Variants in TMEM231 observed in about 807,000 individuals in gnomAD.
TMEM231 encodes transmembrane protein 231.
Under a neutral mutation model 38.5 loss-of-function variants are expected in TMEM231, and 40 were observed. The ratio of observed to expected loss-of-function variants is 1.04; its 90% CI spans 0.81 to 1.35. TMEM231 has a LOEUF of 1.35. Among genes scored for constraint, TMEM231 ranks in the 40% most tolerant of loss-of-function variants. The pLI, the probability that TMEM231 is intolerant of heterozygous loss-of-function variation, is 0.00. For synonymous variants in TMEM231, 199 were observed against 181.7 expected (o/e 1.10, Z -0.77); for missense variants, 420 against 416.9 (o/e 1.01, Z -0.07).
chr16:75,540,315 C>T, intron 6 of TMEM231, 141 bp from the exon 7 acceptor site: 1 of 828,562 alleles, frequency 1.2e-6, no homozygotes, highest in Non-Finnish European at 1.8e-6. Context: ...CTGACCTGAA[C>T]TTGGCCAAAT....
At chr16:75,552,833 A>C (rs1393443850) in intron 2 of TMEM231, among the ~76,000 whole-genome samples, 1 of 152,178 alleles carries the variant, frequency 6.6e-6, no homozygotes, top group East Asian at 1.9e-4. Flanking sequence ...AGGGATGAGA[A>C]GAAACAGGTG....
intron 4 of TMEM231, among the ~76,000 whole-genome samples, chr16:75,545,118 C>T (rs2080671232): frequency 1.3e-5 from 2 of 151,638 alleles, no homozygotes; most frequent in Non-Finnish European, 2.9e-5. Context: ...ACACGCCTGG[C>T]TAATTTTTTG....
At chr16:75,546,511 C>T (rs534869885) in intron 2 of TMEM231, among the ~76,000 whole-genome samples, 3 of 152,006 alleles carry the variant, frequency 2.0e-5, no homozygotes, top group Non-Finnish European at 2.9e-5. Flanking sequence ...GACGCAATCA[C>T]GGCTCACTAC....
At chr16:75,544,943 CTT>C (rs199552169) in intron 4 of TMEM231, among the ~76,000 whole-genome samples, 2 of 80,326 alleles carry the variant, frequency 2.5e-5, no homozygotes, top group Non-Finnish European at 3.9e-5. Flanking sequence ...CTTTTCTTTT[CTT>C]TTTCTTTTTT....
At chr16:75,551,376 T>G (rs2080758993) in intron 2 of TMEM231, among the ~76,000 whole-genome samples, 1 of 152,104 alleles carries the variant, frequency 6.6e-6, no homozygotes, top group South Asian at 2.1e-4. Context: ...TTTTAAATTT[T>G]TTATAGTAGG....
At chr16:75,550,922 G>C (rs1229542331) in intron 2 of TMEM231, among the ~76,000 whole-genome samples, 1 of 152,102 alleles carries the variant, frequency 6.6e-6, no homozygotes, top group Non-Finnish European at 1.5e-5. Context: ...TCACCATGTT[G>C]GCCAGGCTGG....
In TMEM231 at chr16:75,541,405, C is replaced by A; in HGVS notation, c.715G>T (p.Ala239Ser). ...PNPIWLVGRA[A>S]DAPFVINAII... is the part of the protein sequence containing the mutation. ...GCATTAATCACAAATGGAGCATCTG[C>A]GGCCCTGCCCACCAGCCAGATGGGG... Residue 239 changes from alanine to serine, a missense_variant, in exon 6 of 7, where the codon GCA becomes TCA. Transcript: ENST00000258173. 6.2e-7 allele frequency: 1 copy of A among 1,611,808 alleles called. No individual in the cohort carries two copies. The highest frequency in any genetic ancestry group is 8.5e-7 in the Non-Finnish European group (1 of 1,178,726).
At chr16:75,542,196 C>T (rs925170689) in intron 5 of TMEM231, among the ~76,000 whole-genome samples, 11 of 152,174 alleles carry the variant, frequency 7.2e-5, no homozygotes, top group Non-Finnish European at 1.6e-4. Flanking sequence ...TGCTGGACTG[C>T]TAATGTGGGG....
chr16:75,547,184 A>G (rs2738793), intron 2 of TMEM231, among the ~76,000 whole-genome samples: 39,824 of 152,016 alleles, frequency 0.26, 5,341 homozygotes, highest in Middle Eastern at 0.33. Context: ...TTCCCAGAAC[A>G]ATTCTACTAT....
intron 2 of TMEM231, chr16:75,546,172 G>A (rs2080688707): frequency 7.0e-7 from 1 of 1,420,828 alleles, no homozygotes. Context: ...CCTTTCAAAT[G>A]TTCACTGGCC....
intron 2 of TMEM231, among the ~76,000 whole-genome samples, chr16:75,550,628 C>T (rs1302960169): frequency 1.1e-4 from 16 of 152,040 alleles, no homozygotes; most frequent in Admixed American, 1.0e-3. Flanking sequence ...CTTTTTTCCC[C>T]GTCAGGAATT....
At chr16:75,553,053 G>A (rs1243414590) in intron 2 of TMEM231, among the ~76,000 whole-genome samples, 3 of 152,148 alleles carry the variant, frequency 2.0e-5, no homozygotes, top group Non-Finnish European at 4.4e-5. Context: ...GCTTAGAGAC[G>A]CTGTCCAGGA....
At position 75,545,504 on chromosome 16, in the gene TMEM231, A is replaced by T. The variant is rs2080679155; in HGVS notation, c.439-9T>A. On this transcript the variant is annotated splice_polypyrimidine_tract_variant and intron_variant, in intron 3 of 6. Coordinates refer to ENST00000258173, the MANE Select transcript of TMEM231 (RefSeq NM_001077418.3). ...ACGAGGGTCGCCATCCTCTGAAATC[A>T]TTAGAAGGACCAACAATACCAACCG... The T allele has an allele frequency of 6.5e-7, 1 of 1,530,942 alleles. No homozygotes were observed. The highest frequency in any genetic ancestry group is 8.8e-7 in the Non-Finnish European group (1 of 1,132,416). 94.8% of individuals were successfully genotyped at this position (1,530,942 alleles called of 1,614,324 possible).
chr16:75,552,866 A>G (rs2080777549), intron 2 of TMEM231, among the ~76,000 whole-genome samples: 1 of 152,036 alleles, frequency 6.6e-6, no homozygotes, highest in South Asian at 2.1e-4. Context: ...GGTACTCTCC[A>G]CTCATCCTCT....
In TMEM231 at chr16:75,540,154, T is replaced by G. The variant is rs199605221; in HGVS notation, c.791A>C (p.Glu264Ala). Residue 264 changes from glutamate (E) to alanine (A), a missense_variant, in exon 7 of 7, where the codon GAG becomes GCG. Transcript: ENST00000258173. ...EVISYQPGFW[E>A]MVKFAWVQYV... is the part of the protein sequence containing the mutation. Reference sequence around the variant, plus strand: ...CTGCACCCAGGCGAACTTTACCATCTCCCAGAATCCTGGCTGATAAGTATG... The same window carrying G: ...CTGCACCCAGGCGAACTTTACCATCGCCCAGAATCCTGGCTGATAAGTATG... 1,572 of 1,613,250 alleles carry G rather than the reference T, an allele frequency of 9.7e-4. No individual in the cohort carries two copies. The highest frequency in any genetic ancestry group is 1.2e-3 in the Non-Finnish European group (1,387 of 1,179,564).
At chr16:75,546,082 AAG>A in intron 2 of TMEM231, 128 bp from the exon 3 acceptor site, 1 of 1,546,798 alleles carries the variant, frequency 6.5e-7, no homozygotes, top group Non-Finnish European at 8.7e-7. Flanking sequence ...CCTCCACTAA[AAG>A]AGAAAAGCAG....
At chr16:75,548,327 G>A (rs761576815) in intron 2 of TMEM231, among the ~76,000 whole-genome samples, 2 of 152,120 alleles carry the variant, frequency 1.3e-5, no homozygotes, top group African/African-American at 2.4e-5. Flanking sequence ...TTCCAAGTTC[G>A]CGGGGGACAG....
At chr16:75,554,752 A>C (rs540535674) in intron 2 of TMEM231, among the ~76,000 whole-genome samples, 2 of 152,280 alleles carry the variant, frequency 1.3e-5, no homozygotes, top group African/African-American at 4.8e-5. Context: ...CACTTTTGTA[A>C]TCAGAATATA....
In TMEM231 at chr16:75,537,733, C is replaced by G. The variant is rs939852732; in HGVS notation, c.*2261G>C. ...ATCTCCTGACCTTGTGATTCACCCA[C>G]CTCGGCCTCCCAAAGTGCTGGGATT... On this transcript the variant is annotated 3_prime_UTR_variant, in exon 7 of 7. Transcript: ENST00000258173. The G allele has an allele frequency of 6.6e-6, 1 of 152,228 alleles. No individual in the cohort carries two copies. Among genetic ancestry groups the G allele is most frequent in the African/African-American group, 2.4e-5 (1 of 41,446 alleles). 9.4% of individuals were successfully genotyped at this position (152,228 alleles called of 1,614,324 possible).
Sources: allele counts gnomAD v4.1 joint callset (sites outside exome capture counted in the v4.1 genomes callset), GRCh38; gene constraint gnomAD v4.1.1; transcripts MANE v1.5; gene names NCBI Gene and HGNC (gene_info 2026-07-23, HGNC 2026-07-21).